Variants in VWA8 observed in about 807,000 individuals in gnomAD.
The protein encoded by VWA8 is von Willebrand factor A domain containing 8, also known as von Willebrand factor A domain-containing protein 8.
In VWA8, 221 loss-of-function variants were observed where a neutral mutation model predicts 241.5. That is an observed-to-expected ratio of 0.91 (90% CI 0.82 to 1.02). VWA8 has a LOEUF of 1.02. VWA8 is among the 50% of genes least tolerant of loss of function. VWA8 has a pLI of 0.00. For missense variants in VWA8, 2,322 were observed against 2,328.7 expected (o/e 1.00, Z 0.06); for synonymous variants, 852 against 827.1 (o/e 1.03, Z -0.52).
chr13:41,782,635 A>G (rs2137935247), intron 19 of VWA8, among the ~76,000 whole-genome samples: 1 of 152,254 alleles, frequency 6.6e-6, no homozygotes, highest in African/African-American at 2.4e-5. Context: ...CTTTTCTACG[A>G]CATAAAAAAT....
In VWA8 at chr13:41,573,506, T is replaced by TAC. The variant is rs1555303606; in HGVS notation, c.5370+2232_5370+2233dup. Among the ~76,000 whole-genome samples, 282 of 141,632 alleles carry TAC rather than the reference T, an allele frequency of 2.0e-3. 3 individuals carry two copies. The highest frequency in any genetic ancestry group is 7.0e-3 in the African/African-American group (262 of 37,386). 92.9% of individuals were successfully genotyped at this position (141,632 alleles called of 152,430 possible). ...AAAAAAATATATATATATATATATA[T>TAC]ACCTCTCTCTATATATACGTGTATA... is the stretch of plus-strand genomic sequence containing the variant. On this transcript the variant is annotated intron_variant, in intron 43 of 44. Coordinates refer to ENST00000379310, the MANE Select transcript of VWA8 (RefSeq NM_015058.2).
At chr13:41,907,882 T>C (rs1358287459) in intron 3 of VWA8, among the ~76,000 whole-genome samples, 186 bp from the exon 4 acceptor site, 1 of 152,210 alleles carries the variant, frequency 6.6e-6, no homozygotes, top group African/African-American at 2.4e-5. Context: ...AAAATATCTA[T>C]ATATCTCCTC....
intron 17 of VWA8, among the ~76,000 whole-genome samples, chr13:41,796,285 A>T (rs1459139899): frequency 6.6e-6 from 1 of 152,096 alleles, no homozygotes; most frequent in Non-Finnish European, 1.5e-5. Context: ...GGGATTCTAA[A>T]TTTCTTGACA....
At chr13:41,693,009 GTTCTTTTTTTTTT>G in intron 29 of VWA8, 37 bp from the exon 30 acceptor site, 2 of 1,057,786 alleles carry the variant, frequency 1.9e-6, no homozygotes, top group Non-Finnish European at 2.6e-6. Flanking sequence ...CTCAAGATTT[GTTCTTTTTTTTTT>G]TTTTTTTAAA....
Position 41,891,532 on chromosome 13 carries a change from T to G in VWA8, c.539A>C (p.Lys180Thr). Reference protein sequence around the residue: ...GRTLILEGLEKAERNVLPVLN... With the variant: ...GRTLILEGLETAERNVLPVLN... ...AACAGGCAAAACATTCCTCTCTGCC[T>G]TTTCCAAACCTTCCAAAATGAGAGT... The change falls in exon 5 of 45, where the codon AAG (lysine) becomes ACG (threonine). Residue 180 changes from lysine to threonine, a missense_variant. Coordinates refer to ENST00000379310, the MANE Select transcript of VWA8 (RefSeq NM_015058.2). 2 of 1,614,178 alleles carry G rather than the reference T, an allele frequency of 1.2e-6. No individual in the cohort carries two copies. Among genetic ancestry groups the G allele is most frequent in the Non-Finnish European group, 1.7e-6 (2 of 1,180,010 alleles).
At chr13:41,814,633 C>A (rs9562354) in intron 16 of VWA8, among the ~76,000 whole-genome samples, 9,819 of 152,106 alleles carry the variant, frequency 0.065, 396 homozygotes, top group East Asian at 0.12. Flanking sequence ...CGGTTTTAAA[C>A]AAGGGGAAGA....
intron 36 of VWA8, among the ~76,000 whole-genome samples, chr13:41,673,004 C>CAAAAA (rs1403049564): frequency 2.6e-5 from 4 of 152,088 alleles, no homozygotes; most frequent in African/African-American, 9.7e-5. Context: ...CAGGCAATTT[C>CAAAAA]TTTAATTTAT....
chr13:41,579,483 G>C (rs1025413447), intron 42 of VWA8, among the ~76,000 whole-genome samples: 7 of 152,190 alleles, frequency 4.6e-5, no homozygotes, highest in African/African-American at 1.7e-4. Context: ...TTTTGACTTA[G>C]AGAAAAATCA....
In VWA8 at chr13:41,656,856, A is replaced by G. The variant is rs116795229; in HGVS notation, c.4611+14090T>C. Among the ~76,000 whole-genome samples, 256 of 152,302 alleles carry G rather than the reference A, an allele frequency of 1.7e-3. 1 individual carries two copies. Among genetic ancestry groups the G allele is most frequent in the African/African-American group, 5.9e-3 (246 of 41,550 alleles). ...GCTGTCAAAACCACTAAAAAATAAA[A>G]ATAAAAATAAAAATCACATGGTCAT... On this transcript the variant is annotated intron_variant, in intron 37 of 44. Transcript: ENST00000379310.
intron 37 of VWA8, among the ~76,000 whole-genome samples, chr13:41,618,626 T>C (rs1425076774): frequency 6.6e-6 from 1 of 152,244 alleles, no homozygotes. Flanking sequence ...TTTAAGTCTT[T>C]AATCCATCTT....
chr13:41,693,450 C>T (rs1044708522), intron 29 of VWA8, among the ~76,000 whole-genome samples: 2 of 151,874 alleles, frequency 1.3e-5, no homozygotes, highest in African/African-American at 2.4e-5. Flanking sequence ...TTCACAAATC[C>T]AGGTTCAATT....
intron 37 of VWA8, among the ~76,000 whole-genome samples, chr13:41,660,813 C>T (rs1196557369): frequency 6.6e-6 from 1 of 152,000 alleles, no homozygotes; most frequent in Non-Finnish European, 1.5e-5. Context: ...CTTATTTTAT[C>T]TATTCATCAA....
intron 42 of VWA8, among the ~76,000 whole-genome samples, chr13:41,578,560 C>T (rs540527452): frequency 1.3e-5 from 2 of 152,168 alleles, no homozygotes; most frequent in African/African-American, 4.8e-5. Context: ...GATGCATACT[C>T]TCATTCATTT....
chr13:41,811,267 T>G lies in VWA8; in HGVS notation c.2021A>C (p.Asn674Thr), dbSNP rs763332619. ...AGTAACAGCACTGTGAAGATTTTCA[T>G]TAGGATACTGTGACAGCCGACGAGA... The part of the protein sequence containing the change: ...RISRRLSQYP[N>T]ENLHSAVTKA... Residue 674 changes from asparagine to threonine, a missense_variant, in exon 17 of 45, where the codon AAT (asparagine) becomes ACT (threonine). By Grantham distance (65) the Asn-to-Thr change is moderately conservative (BLOSUM62 0). Coordinates refer to ENST00000379310, the MANE Select transcript of VWA8 (RefSeq NM_015058.2). The G allele has an allele frequency of 2.5e-6, 4 of 1,610,772 alleles. No homozygotes were observed. The highest frequency in any genetic ancestry group is 1.3e-5 in the African/African-American group (1 of 74,860).
Position 41,721,387 on chromosome 13 carries a change from T to G in VWA8, c.2947A>C (p.Ile983Leu), listed in dbSNP as rs777899479. The change falls in exon 25 of 45, where the codon ATA (isoleucine) becomes CTA (leucine). Residue 983 changes from isoleucine to leucine, a missense_variant. Ile to Leu is a conservative substitution (Grantham distance 5). Transcript: ENST00000379310. ...YPYSTREVVN[I>L]VKHLQKFPTE... ...ATACCTACCTGTAAATGTTTGACTA[T>G]GTTGACAACTTCTCTGGTAGAATAA... 1 of 1,613,766 alleles carries G rather than the reference T, an allele frequency of 6.2e-7. No homozygotes were observed. The highest frequency in any genetic ancestry group is 8.5e-7 in the Non-Finnish European group (1 of 1,179,758).
At chr13:41,710,001 G>T (rs2045306399) in intron 26 of VWA8, among the ~76,000 whole-genome samples, 1 of 151,888 alleles carries the variant, frequency 6.6e-6, no homozygotes, top group African/African-American at 2.4e-5. Flanking sequence ...CGCTTCAAAG[G>T]CAGATAATGA....
intron 9 of VWA8, among the ~76,000 whole-genome samples, chr13:41,880,080 T>C (rs564868618): frequency 6.6e-6 from 1 of 152,294 alleles, no homozygotes; most frequent in South Asian, 2.1e-4. Context: ...AACTATACAA[T>C]GAGGAAATTA....
chr13:41,705,546 G>T (rs2045277710), intron 26 of VWA8, among the ~76,000 whole-genome samples: 1 of 152,192 alleles, frequency 6.6e-6, no homozygotes, highest in South Asian at 2.1e-4. Flanking sequence ...TATTCTGCCA[G>T]CATAGAAGAC....
chr13:41,864,913 G>A (rs754486144), intron 12 of VWA8, among the ~76,000 whole-genome samples: 3 of 151,286 alleles, frequency 2.0e-5, no homozygotes, highest in Non-Finnish European at 2.9e-5. Flanking sequence ...GCTTGAACCC[G>A]GGGTGGGCAG....
Sources: gnomAD v4.1 joint callset for allele counts (sites outside exome capture counted in the v4.1 genomes callset) on GRCh38, gnomAD v4.1.1 for gene constraint, MANE v1.5 for transcripts, NCBI Gene and HGNC (gene_info 2026-07-23, HGNC 2026-07-21) for gene names.